ARIH2: variants seen among roughly 807,000 people sequenced by gnomAD.
ARIH2 encodes ariadne RBR E3 ubiquitin protein ligase 2, also known as E3 ubiquitin-protein ligase ARIH2.
ARIH2 carries 12 observed loss-of-function variants against 79.8 expected under a neutral mutation model. That is an observed-to-expected ratio of 0.15 (90% CI 0.10 to 0.24). ARIH2 has a LOEUF of 0.24. Ranked by LOEUF, ARIH2 falls within the 10% of genes least tolerant of loss-of-function variation. The pLI is 1.00. For missense variants in ARIH2, 301 were observed against 618.3 expected (o/e 0.49, Z 5.44); for synonymous variants, 224 against 213.9 (o/e 1.05, Z -0.41).
chr3:48,945,572 T>G (rs773536815), intron 3 of ARIH2, among the ~76,000 whole-genome samples: 1 of 152,194 alleles, frequency 6.6e-6, no homozygotes, highest in Non-Finnish European at 1.5e-5. Context: ...AAATGTCATA[T>G]GTGCTTACCA....
intron 3 of ARIH2, among the ~76,000 whole-genome samples, chr3:48,947,380 G>A (rs2089322512): frequency 6.7e-6 from 1 of 149,658 alleles, no homozygotes; most frequent in Admixed American, 6.8e-5. Context: ...GGTGGAGGTT[G>A]TGGTGAGCCA....
intron 1 of ARIH2, among the ~76,000 whole-genome samples, chr3:48,919,896 G>T (rs951168160): frequency 6.6e-6 from 1 of 151,960 alleles, no homozygotes; most frequent in East Asian, 1.9e-4. Flanking sequence ...TAAAACTTAC[G>T]TGTTCTGTGC....
chr3:48,920,420 C>T (rs1576039883), intron 1 of ARIH2, among the ~76,000 whole-genome samples: 2 of 111,370 alleles, frequency 1.8e-5, no homozygotes, highest in Admixed American at 2.1e-4. Context: ...AGTTCTCTCT[C>T]TTTTTTTTTT....
At chr3:48,923,064 G>A (rs1056458897) in intron 2 of ARIH2, among the ~76,000 whole-genome samples, 9 of 151,932 alleles carry the variant, frequency 5.9e-5, no homozygotes, top group Non-Finnish European at 1.3e-4. Context: ...AAAATTAGCC[G>A]GGCGTAGTGG....
intron 3 of ARIH2, among the ~76,000 whole-genome samples, chr3:48,955,305 C>T (rs1319297532): frequency 6.6e-6 from 1 of 151,818 alleles, no homozygotes; most frequent in Non-Finnish European, 1.5e-5. Context: ...CCACATTGGT[C>T]ACATGTGTTC....
At chr3:48,964,346 C>T (rs1307751174) in intron 4 of ARIH2, among the ~76,000 whole-genome samples, 5 of 141,972 alleles carry the variant, frequency 3.5e-5, no homozygotes, top group Non-Finnish European at 7.6e-5. Context: ...GACAGAATCT[C>T]GCTCTGTCTT....
chr3:48,965,678 C>T (rs779216901), intron 5 of ARIH2, among the ~76,000 whole-genome samples: 11 of 152,040 alleles, frequency 7.2e-5, no homozygotes, highest in South Asian at 2.1e-4. Context: ...GACCCCAGTC[C>T]GGCCAGGCAC....
chr3:48,980,169 C>G (rs2092699494), intron 12 of ARIH2, 184 bp from the exon 13 acceptor site: 1 of 560,740 alleles, frequency 1.8e-6, no homozygotes, highest in African/African-American at 1.9e-5. Flanking sequence ...TGGCAGTAAG[C>G]ATACAGCTGC....
intron 11 of ARIH2, among the ~76,000 whole-genome samples, chr3:48,975,580 T>G (rs897355887): frequency 1.3e-4 from 20 of 151,952 alleles, no homozygotes; most frequent in African/African-American, 4.3e-4. Flanking sequence ...TTTTTTTTTT[T>G]GGGAGAAGGA....
chr3:48,925,894 A>AT (rs1382613291), intron 2 of ARIH2, among the ~76,000 whole-genome samples: 3 of 151,732 alleles, frequency 2.0e-5, no homozygotes, highest in Non-Finnish European at 4.4e-5. Flanking sequence ...TAATTTTTGT[A>AT]TTTTTAGTAG....
chr3:48,945,195 G>A, intron 3 of ARIH2: 1 of 1,289,746 alleles, frequency 7.8e-7, no homozygotes, highest in Non-Finnish European at 1.0e-6. Flanking sequence ...AGTGTGGGAA[G>A]GGCTGGTGAC....
At chr3:48,973,092 C>T (rs2092325605) in intron 8 of ARIH2, among the ~76,000 whole-genome samples, 1 of 152,220 alleles carries the variant, frequency 6.6e-6, no homozygotes, top group Admixed American at 6.5e-5. Context: ...TGCAGTATTT[C>T]AGTATAACTC....
chr3:48,970,557 A>C, intron 7 of ARIH2, 38 bp from the exon 8 acceptor site: 3 of 1,394,132 alleles, frequency 2.2e-6, no homozygotes, highest in South Asian at 1.2e-5. Flanking sequence ...ACAGCAACTA[A>C]GAGATGTCCT....
intron 3 of ARIH2, among the ~76,000 whole-genome samples, chr3:48,951,843 A>C (rs1034967170): frequency 3.3e-5 from 5 of 151,758 alleles, no homozygotes; most frequent in African/African-American, 1.2e-4. Flanking sequence ...AACTTTGTTG[A>C]TATTTTTAAA....
At chr3:48,956,439 CTTTTTTTTTTTTT>C (rs34693818) in intron 3 of ARIH2, among the ~76,000 whole-genome samples, 585 of 36,310 alleles carry the variant, frequency 0.016, 24 homozygotes, top group African/African-American at 0.058. Context: ...GCGCCCGGCA[CTTTTTTTTTTTTT>C]TTTTTTTTTT....
chr3:48,978,478 TATA>T lies in ARIH2; in HGVS notation c.962-1003_962-1001del, dbSNP rs1302064130. ...GTGTGTGTGTGTGTATATATATATA[TATA>T]TATTTTTTTTTTTTTTGGTAGAGAC... On this transcript the variant is annotated intron_variant, in intron 11 of 15. Coordinates refer to ENST00000356401, the MANE Select transcript of ARIH2 (RefSeq NM_006321.4). Among the ~76,000 whole-genome samples the T allele has an allele frequency of 5.3e-3, 378 of 71,818 alleles. 7 individuals are homozygous for T. In the East Asian group the frequency reaches 0.084, roughly 16 times the overall value. 47.1% of individuals were successfully genotyped at this position (71,818 alleles called of 152,430 possible).
At chr3:48,942,897 C>T (rs562970473) in intron 3 of ARIH2, among the ~76,000 whole-genome samples, 1 of 151,948 alleles carries the variant, frequency 6.6e-6, no homozygotes, top group Non-Finnish European at 1.5e-5. Context: ...GTGATCTGCC[C>T]GCCCCATCCT....
intron 3 of ARIH2, among the ~76,000 whole-genome samples, chr3:48,957,901 C>T (rs1409379726): frequency 2.6e-5 from 4 of 151,906 alleles, no homozygotes; most frequent in South Asian, 4.2e-4. Flanking sequence ...TTTTTAGTAG[C>T]GACGGGATGT....
chr3:48,977,452 C>G (rs2092569716), intron 11 of ARIH2, among the ~76,000 whole-genome samples: 1 of 151,128 alleles, frequency 6.6e-6, no homozygotes, highest in Non-Finnish European at 1.5e-5. Flanking sequence ...ACTGCAGGCA[C>G]ATGCCACCAT....
Sources: allele counts gnomAD v4.1 joint callset (sites outside exome capture counted in the v4.1 genomes callset), GRCh38; gene constraint gnomAD v4.1.1; transcripts MANE v1.5; gene names NCBI Gene and HGNC (gene_info 2026-07-23, HGNC 2026-07-21).